Variants in PDE7B observed in about 807,000 individuals in gnomAD.
The protein encoded by PDE7B is phosphodiesterase 7B, also known as 3',5'-cyclic-AMP phosphodiesterase 7B.
In PDE7B, 29 loss-of-function variants were observed where a neutral mutation model predicts 56.2. The observed-to-expected ratio is 0.52, with a 90% CI of 0.38 to 0.70. The LOEUF is 0.70. Ranked by LOEUF, PDE7B falls within the 30% of genes least tolerant of loss-of-function variation. PDE7B has a pLI of 0.00. For synonymous variants in PDE7B, 197 were observed against 196.9 expected (o/e 1.00, Z 0.00); for missense variants, 490 against 565.0 (o/e 0.87, Z 1.35).
At chr6:135,953,082 C>T (rs1258776950) in intron 2 of PDE7B, among the ~76,000 whole-genome samples, 1 of 152,072 alleles carries the variant, frequency 6.6e-6, no homozygotes, top group African/African-American at 2.4e-5. Context: ...CATGTTAATT[C>T]TATTTTTCCT....
chr6:135,877,073 TA>T (rs142661840), intron 1 of PDE7B, among the ~76,000 whole-genome samples: 5 of 151,186 alleles, frequency 3.3e-5, no homozygotes, highest in Admixed American at 6.6e-5. Context: ...ATTTGTTCTT[TA>T]AAAAAAAATC....
At chr6:135,995,045 T>G (rs2128205524) in intron 2 of PDE7B, among the ~76,000 whole-genome samples, 1 of 152,310 alleles carries the variant, frequency 6.6e-6, no homozygotes, top group South Asian at 2.1e-4. Context: ...CTATCCATCC[T>G]GCTTCTTCAT....
At chr6:135,879,236 C>T (rs1042190309) in intron 1 of PDE7B, among the ~76,000 whole-genome samples, 3 of 152,006 alleles carry the variant, frequency 2.0e-5, no homozygotes, top group African/African-American at 7.2e-5. Flanking sequence ...CAAAGAGTAT[C>T]ATATTAAATA....
chr6:136,194,156 A>T lies in PDE7B; in HGVS notation c.*2316A>T, dbSNP rs1459921345. The T allele has an allele frequency of 6.6e-6, 1 of 152,148 alleles. No individual in the cohort carries two copies. The highest frequency in any genetic ancestry group is 6.5e-5 in the Admixed American group (1 of 15,276). The allele number at this position is 152,148 out of a possible 1,614,324, so 9.4% of individuals were successfully genotyped here. A position where few individuals can be genotyped will look rare whatever the true frequency, so the allele number is the denominator to read the frequency against. On this transcript the variant is annotated 3_prime_UTR_variant, in exon 13 of 13. Coordinates refer to ENST00000308191, the MANE Select transcript of PDE7B (RefSeq NM_018945.4). ...TTTGAACAGTCTATTTTTAATGTATATGAGGTCAAATCAAGGAAGGCAATT... is the reference window on the plus strand; with the variant it reads ...TTTGAACAGTCTATTTTTAATGTATTTGAGGTCAAATCAAGGAAGGCAATT...
intron 1 of PDE7B, among the ~76,000 whole-genome samples, chr6:135,920,298 A>C (rs1774048503): frequency 6.6e-6 from 1 of 152,210 alleles, no homozygotes; most frequent in Non-Finnish European, 1.5e-5. Flanking sequence ...AATGAGAAAA[A>C]GTTTAAATAT....
chr6:135,918,706 T>G (rs1344144405), intron 1 of PDE7B, among the ~76,000 whole-genome samples: 2 of 152,218 alleles, frequency 1.3e-5, no homozygotes, highest in Admixed American at 6.5e-5. Context: ...TTATAAAAGA[T>G]AGCTCCTGTG....
intron 1 of PDE7B, among the ~76,000 whole-genome samples, chr6:135,911,831 A>T (rs546494523): frequency 6.6e-6 from 1 of 152,344 alleles, no homozygotes; most frequent in Non-Finnish European, 1.5e-5. Flanking sequence ...AAAATATCTC[A>T]TGAAAAATTG....
At chr6:135,989,614 C>G (rs1390596660) in intron 2 of PDE7B, among the ~76,000 whole-genome samples, 1 of 150,420 alleles carries the variant, frequency 6.6e-6, no homozygotes, top group Admixed American at 6.7e-5. Flanking sequence ...AACTCTGTCT[C>G]CAAAATAATA....
chr6:136,004,231 C>A (rs185152630), intron 2 of PDE7B, among the ~76,000 whole-genome samples: 1 of 152,278 alleles, frequency 6.6e-6, no homozygotes, highest in East Asian at 1.9e-4. Flanking sequence ...CTATGACAAA[C>A]CCACAGCTAA....
At chr6:136,184,032 C>G (rs1779109226) in intron 11 of PDE7B, among the ~76,000 whole-genome samples, 1 of 152,218 alleles carries the variant, frequency 6.6e-6, no homozygotes, top group African/African-American at 2.4e-5. Flanking sequence ...TTGATATCAT[C>G]TCAACCTAGT....
intron 2 of PDE7B, among the ~76,000 whole-genome samples, chr6:135,967,275 C>A (rs866168396): frequency 6.6e-6 from 1 of 152,106 alleles, no homozygotes; most frequent in Non-Finnish European, 1.5e-5. Flanking sequence ...TCCAACAACC[C>A]GCTATGTAAC....
chr6:136,138,083 G>T (rs1778246995), intron 3 of PDE7B, among the ~76,000 whole-genome samples: 1 of 152,032 alleles, frequency 6.6e-6, no homozygotes, highest in South Asian at 2.1e-4. Context: ...TTTAAGTAAT[G>T]ATTTGTAAAA....
At chr6:135,970,440 A>T (rs571625460) in intron 2 of PDE7B, among the ~76,000 whole-genome samples, 3 of 112,292 alleles carry the variant, frequency 2.7e-5, no homozygotes, top group East Asian at 5.3e-4. Context: ...GGGCAAAATT[A>T]TGTGGGGTCT....
chr6:135,866,534 A>T (rs187757358), intron 1 of PDE7B, among the ~76,000 whole-genome samples: 1 of 152,188 alleles, frequency 6.6e-6, no homozygotes, highest in African/African-American at 2.4e-5. Flanking sequence ...AGGTCAAAGA[A>T]CTACTTGTTA....
At chr6:135,933,238 T>A (rs2128197317) in intron 1 of PDE7B, among the ~76,000 whole-genome samples, 1 of 152,362 alleles carries the variant, frequency 6.6e-6, no homozygotes, top group East Asian at 1.9e-4. Context: ...TATCTGTGTA[T>A]AAATATGCAT....
Position 136,193,283 on chromosome 6 carries a change from T to G in PDE7B, c.*1443T>G, listed in dbSNP as rs1779259344. On this transcript the variant is annotated 3_prime_UTR_variant, in exon 13 of 13. Transcript: ENST00000308191. ...TTGGTGTTTGGTTGGTGTGCATTTC[T>G]TTAGTGTCGATAGTAACTGGATTTT... 6.5e-6 allele frequency: 1 copy of G among 152,690 alleles called. No individual in the cohort carries two copies. Among genetic ancestry groups the G allele is most frequent in the Non-Finnish European group, 1.5e-5 (1 of 68,044 alleles). The allele number at this position is 152,690 out of a possible 1,614,324, so 9.5% of individuals were successfully genotyped here. A position where few individuals can be genotyped will look rare whatever the true frequency, so the allele number is the denominator to read the frequency against.
intron 1 of PDE7B, among the ~76,000 whole-genome samples, chr6:135,862,540 G>A (rs941047346): frequency 6.6e-5 from 10 of 151,620 alleles, no homozygotes; most frequent in Non-Finnish European, 1.3e-4. Flanking sequence ...AAATTAGTTA[G>A]GAAATATTAC....
intron 2 of PDE7B, among the ~76,000 whole-genome samples, chr6:136,000,484 C>A (rs1179799014): frequency 6.6e-6 from 1 of 152,192 alleles, no homozygotes; most frequent in Admixed American, 6.5e-5. Flanking sequence ...CCAGCTATCC[C>A]AGCACCATTT....
At chr6:136,055,208 T>A (rs915775888) in intron 2 of PDE7B, among the ~76,000 whole-genome samples, 6 of 152,232 alleles carry the variant, frequency 3.9e-5, no homozygotes, top group South Asian at 2.1e-4. Flanking sequence ...ATTTTAAAGG[T>A]TATAATGGTA....
Sources: allele counts gnomAD v4.1 joint callset (sites outside exome capture counted in the v4.1 genomes callset), GRCh38; gene constraint gnomAD v4.1.1; transcripts MANE v1.5; gene names NCBI Gene and HGNC (gene_info 2026-07-23, HGNC 2026-07-21).